Variants in CNTN5 observed in about 807,000 individuals in gnomAD.
The protein encoded by CNTN5 is contactin-5.
CNTN5 carries 77 observed loss-of-function variants against 129.1 expected under a neutral mutation model. The observed-to-expected ratio is 0.60, with a 90% CI of 0.50 to 0.72. The LOEUF is 0.72. Among genes scored for constraint, CNTN5 ranks in the 30% least tolerant of loss-of-function variants. The pLI is 0.00. For synonymous variants in CNTN5, 509 were observed against 465.6 expected (o/e 1.09, Z -1.20); for missense variants, 1,478 against 1,328.8 (o/e 1.11, Z -1.75).
At chr11:99,862,461 C>A (rs1008037704) in intron 6 of CNTN5, among the ~76,000 whole-genome samples, 2 of 151,950 alleles carry the variant, frequency 1.3e-5, no homozygotes. Flanking sequence ...ATTATGTGGA[C>A]TTTGTAGGCC....
chr11:99,586,750 G>A (rs547212338), intron 3 of CNTN5, among the ~76,000 whole-genome samples: 72 of 152,228 alleles, frequency 4.7e-4, no homozygotes, highest in African/African-American at 1.1e-3. Context: ...GTGGCTTATA[G>A]TGATGATTAT....
At chr11:99,554,151 C>T (rs1948592934) in intron 2 of CNTN5, among the ~76,000 whole-genome samples, 1 of 152,034 alleles carries the variant, frequency 6.6e-6, no homozygotes, top group Non-Finnish European at 1.5e-5. Context: ...TACATGGCAT[C>T]TTATGAAAAG....
intron 1 of CNTN5, among the ~76,000 whole-genome samples, chr11:99,118,754 C>A (rs17133060): frequency 0.077 from 11,620 of 151,602 alleles, 526 homozygotes; most frequent in African/African-American, 0.12. Context: ...AGAGTTAAGC[C>A]CCAAAAATCA....
intron 3 of CNTN5, among the ~76,000 whole-genome samples, chr11:99,719,298 C>A (rs1472781710): frequency 6.6e-6 from 1 of 151,668 alleles, no homozygotes; most frequent in East Asian, 2.0e-4. Flanking sequence ...CCTGCTTGGG[C>A]GAGAGAATGA....
intron 21 of CNTN5, among the ~76,000 whole-genome samples, chr11:100,325,646 G>C (rs1951774570): frequency 6.6e-6 from 1 of 152,150 alleles, no homozygotes; most frequent in Non-Finnish European, 1.5e-5. Context: ...GCCCAAACCT[G>C]GTTAGATTTC....
At chr11:99,490,249 T>C (rs1487071570) in intron 2 of CNTN5, among the ~76,000 whole-genome samples, 2 of 152,214 alleles carry the variant, frequency 1.3e-5, no homozygotes, top group African/African-American at 2.4e-5. Context: ...TTCACCAATT[T>C]TGACCAACTC....
At chr11:99,632,200 T>C (rs911841966) in intron 3 of CNTN5, among the ~76,000 whole-genome samples, 4 of 150,396 alleles carry the variant, frequency 2.7e-5, no homozygotes, top group African/African-American at 7.2e-5. Flanking sequence ...AGTGCTAAAA[T>C]GTAATAATGT....
intron 3 of CNTN5, among the ~76,000 whole-genome samples, chr11:99,649,760 G>C (rs1431577897): frequency 6.6e-6 from 1 of 151,656 alleles, no homozygotes; most frequent in East Asian, 1.9e-4. Context: ...TTCCTACAGA[G>C]CAAATAGTTT....
intron 13 of CNTN5, among the ~76,000 whole-genome samples, chr11:100,161,015 T>A (rs1947428339): frequency 6.6e-6 from 1 of 151,996 alleles, no homozygotes; most frequent in Non-Finnish European, 1.5e-5. Context: ...ATCTTCCATG[T>A]ATATGTTCCA....
intron 1 of CNTN5, among the ~76,000 whole-genome samples, chr11:99,129,749 A>G (rs887703310): frequency 1.3e-5 from 2 of 152,200 alleles, no homozygotes; most frequent in South Asian, 4.1e-4. Context: ...AACCCATCAG[A>G]CTAACAGTGG....
chr11:99,447,403 C>G (rs538182492), intron 2 of CNTN5, among the ~76,000 whole-genome samples: 4 of 152,220 alleles, frequency 2.6e-5, no homozygotes, highest in Non-Finnish European at 4.4e-5. Context: ...TCTTAACTAT[C>G]CTCTTCTATC....
At chr11:99,724,220 T>C (rs1458475445) in intron 3 of CNTN5, among the ~76,000 whole-genome samples, 1 of 152,128 alleles carries the variant, frequency 6.6e-6, no homozygotes, top group African/African-American at 2.4e-5. Context: ...ATCTATATAC[T>C]CTCTCTTTGT....
chr11:99,643,424 C>A, intron 3 of CNTN5, among the ~76,000 whole-genome samples: 1 of 152,008 alleles, frequency 6.6e-6, no homozygotes, highest in East Asian at 1.9e-4. Flanking sequence ...ATTTGTAATT[C>A]CAGCAATGTA....
chr11:99,231,534 A>G (rs1860999268), intron 1 of CNTN5, among the ~76,000 whole-genome samples: 1 of 152,130 alleles, frequency 6.6e-6, no homozygotes, highest in Non-Finnish European at 1.5e-5. Flanking sequence ...AGTCCCTTGT[A>G]GACTCAGGAT....
intron 3 of CNTN5, among the ~76,000 whole-genome samples, chr11:99,808,510 C>T (rs920379396): frequency 9.2e-5 from 14 of 152,110 alleles, no homozygotes; most frequent in African/African-American, 3.1e-4. Context: ...TGCACAGTTT[C>T]CCATTTACTC....
At chr11:99,600,724 G>C (rs1376363374) in intron 3 of CNTN5, among the ~76,000 whole-genome samples, 1 of 150,544 alleles carries the variant, frequency 6.6e-6, no homozygotes, top group African/African-American at 2.4e-5. Flanking sequence ...ATCCACCAGT[G>C]TTGGAGCACC....
chr11:99,497,884 G>C (rs553759642), intron 2 of CNTN5, among the ~76,000 whole-genome samples: 1 of 152,234 alleles, frequency 6.6e-6, no homozygotes, highest in Non-Finnish European at 1.5e-5. Context: ...ATTTACCTAG[G>C]AAATTAAGTC....
At chr11:99,721,181 G>A (rs976875158) in intron 3 of CNTN5, among the ~76,000 whole-genome samples, 5 of 152,030 alleles carry the variant, frequency 3.3e-5, no homozygotes, top group Non-Finnish European at 5.9e-5. Context: ...AGTAGCCAAC[G>A]CCTTCCTAAG....
intron 3 of CNTN5, among the ~76,000 whole-genome samples, chr11:99,602,439 AC>A (rs955609726): frequency 1.3e-5 from 2 of 152,176 alleles, no homozygotes; most frequent in Non-Finnish European, 2.9e-5. Flanking sequence ...AGCCAAGAAC[AC>A]AGCAGAAGAG....
Sources: allele counts gnomAD v4.1 joint callset (sites outside exome capture counted in the v4.1 genomes callset), GRCh38; gene constraint gnomAD v4.1.1; transcripts MANE v1.5; gene names NCBI Gene and HGNC (gene_info 2026-07-23, HGNC 2026-07-21).